Variants in ARHGAP29 observed in about 807,000 individuals in gnomAD.
ARHGAP29 encodes the protein rho GTPase-activating protein 29.
Under a neutral mutation model 122.6 loss-of-function variants are expected in ARHGAP29, and 43 were observed. The observed-to-expected ratio is 0.35, with a 90% CI of 0.27 to 0.45. ARHGAP29 has a LOEUF of 0.45. Ranked by LOEUF, ARHGAP29 falls within the 20% of genes least tolerant of loss-of-function variation. ARHGAP29 has a pLI of 1.00. For missense variants in ARHGAP29, 1,303 were observed against 1,477.2 expected (o/e 0.88, Z 1.93); for synonymous variants, 506 against 497.1 (o/e 1.02, Z -0.24).
the ARHGAP29 span, among the ~76,000 whole-genome samples, chr1:94,296,942 GC>G: frequency 6.6e-6 from 1 of 152,210 alleles, no homozygotes; most frequent in Non-Finnish European, 1.5e-5. Flanking sequence ...TTTGCAGACA[GC>G]TTTTTATGGA....
intron 18 of ARHGAP29, 152 bp downstream of exon 18, chr1:94,184,720 C>T (rs1649689109): frequency 4.7e-6 from 3 of 644,888 alleles, no homozygotes; most frequent in Middle Eastern, 4.4e-4. Flanking sequence ...TGCCACTGTA[C>T]TCCAGCCTGG....
Position 94,199,882 on chromosome 1 carries a change from T to C in ARHGAP29, c.1281+1838A>G, listed in dbSNP as rs369753794. Among the ~76,000 whole-genome samples, 27 of 152,318 alleles carry C rather than the reference T, an allele frequency of 1.8e-4. No homozygotes were observed. In the South Asian group the frequency reaches 3.3e-3, roughly 19 times the overall value. The stretch of plus-strand genomic sequence containing the variant: ...AGTTTTTCTTTCAATGGCACTGACC[T>C]TTCTGTGTCACTCCGATAAAGTAAC... On this transcript the variant is annotated intron_variant, in intron 12 of 22. Transcript: ENST00000260526.
At chr1:94,237,689 C>T, upstream of ARHGAP29, 1 of 985,440 alleles carries the variant, frequency 1.0e-6, no homozygotes, top group African/African-American at 1.7e-5. Flanking sequence ...GGGGCGGGGC[C>T]GGCGACCGCG....
rs1557838010 is a variant in ARHGAP29, at chr1:94,178,061, A to G, written c.2587T>C (p.Ser863Pro). Residue 863 changes from serine to proline, a missense_variant, in exon 21 of 23, where the codon TCC becomes CCC. Coordinates refer to ENST00000260526, the MANE Select transcript of ARHGAP29 (RefSeq NM_004815.4). ...TGATTTGAATACTCTGCAAGGGAGG[A>G]GATGGTGATAGGAGCAGTTGTGGGC... ...PRPTTAPITI[S>P]SLAEYSNQAR... 1 of 1,614,188 alleles carries G rather than the reference A, an allele frequency of 6.2e-7. No homozygotes were observed.
chr1:94,304,708 A>T, the ARHGAP29 span, among the ~76,000 whole-genome samples: 4 of 152,218 alleles, frequency 2.6e-5, no homozygotes, highest in Admixed American at 6.5e-5. Flanking sequence ...ACTTGATAAC[A>T]ATTTCTTAAG....
chr1:94,305,091 C>T, the ARHGAP29 span, among the ~76,000 whole-genome samples: 1 of 152,210 alleles, frequency 6.6e-6, no homozygotes, highest in Non-Finnish European at 1.5e-5. Flanking sequence ...TATGCAAATA[C>T]ATCAGTCTCT....
At chr1:94,191,703 A>G (rs910720513) in intron 12 of ARHGAP29, 8 of 152,194 alleles carry the variant, frequency 5.3e-5, no homozygotes, top group African/African-American at 1.9e-4. Flanking sequence ...TTAATGTGCA[A>G]ATGAATCACC....
chr1:94,228,643 T>C (rs1652752462), intron 2 of ARHGAP29, among the ~76,000 whole-genome samples: 1 of 151,794 alleles, frequency 6.6e-6, no homozygotes, highest in African/African-American at 2.4e-5. Context: ...TAAAGGTACC[T>C]GCCTTTGAGG....
At chr1:94,237,812 A>T (rs1653399056), upstream of ARHGAP29, 1 of 976,248 alleles carries the variant, frequency 1.0e-6, no homozygotes, top group Admixed American at 6.2e-5. Flanking sequence ...CTTGCAGGGG[A>T]CAGGCAGAGC....
rs968477638 is a variant in ARHGAP29, at chr1:94,169,395, G to A, written c.*4474C>T. Among the ~76,000 whole-genome samples the A allele has an allele frequency of 1.3e-5, 2 of 152,102 alleles. No individual in the cohort carries two copies. The highest frequency in any genetic ancestry group is 1.5e-5 in the Non-Finnish European group (1 of 68,018). ...GATTTATTTGGCATATTTGGGACTG[G>A]GTGTGATGAGACAGCAGCTGGCATG... On this transcript the variant is annotated 3_prime_UTR_variant, in exon 23 of 23. Coordinates refer to ENST00000260526, the MANE Select transcript of ARHGAP29 (RefSeq NM_004815.4).
intron 1 of ARHGAP29, among the ~76,000 whole-genome samples, chr1:94,246,791 C>T (rs1184381479): frequency 6.6e-6 from 1 of 152,108 alleles, no homozygotes; most frequent in Non-Finnish European, 1.5e-5. Context: ...CACAGGGGTC[C>T]GCTCTCTAGG....
At chr1:94,218,936 C>T (rs964605957) in intron 3 of ARHGAP29, among the ~76,000 whole-genome samples, 3 of 152,172 alleles carry the variant, frequency 2.0e-5, no homozygotes, top group Admixed American at 6.5e-5. Flanking sequence ...ATGTTCTTCT[C>T]ACCCAGAGTT....
At chr1:94,178,237 G>C in intron 20 of ARHGAP29, 70 bp from the exon 21 acceptor site, 1 of 1,432,788 alleles carries the variant, frequency 7.0e-7, no homozygotes. Context: ...GTTTACTATG[G>C]AATAGAGAGG....
At chr1:94,213,777 G>A (rs1183268149) in intron 3 of ARHGAP29, among the ~76,000 whole-genome samples, 2 of 152,100 alleles carry the variant, frequency 1.3e-5, no homozygotes, top group Non-Finnish European at 2.9e-5. Flanking sequence ...ATAAACTGGG[G>A]ATAATTACGT....
At chr1:94,246,630 A>G (rs1653808340) in intron 1 of ARHGAP29, among the ~76,000 whole-genome samples, 1 of 152,010 alleles carries the variant, frequency 6.6e-6, no homozygotes. Context: ...GGTGGTGGTG[A>G]AAAGGTGAGA....
At chr1:94,308,692 A>T in the ARHGAP29 span, among the ~76,000 whole-genome samples, 1 of 152,078 alleles carries the variant, frequency 6.6e-6, no homozygotes, top group African/African-American at 2.4e-5. Context: ...TCCCATTTTG[A>T]GCCAGTTTCA....
chr1:94,188,905 A>C lies in ARHGAP29; in HGVS notation c.1613T>G (p.Phe538Cys). 1 of 1,613,248 alleles carries C rather than the reference A, an allele frequency of 6.2e-7. No individual in the cohort carries two copies. Among genetic ancestry groups the C allele is most frequent in the Non-Finnish European group, 8.5e-7 (1 of 1,179,354 alleles). Residue 538 changes from phenylalanine to cysteine, a missense_variant, in exon 15 of 23, where the codon TTT becomes TGT. Transcript: ENST00000260526. Reference sequence around the variant, plus strand: ...CCCTCCAGTGCTCTCAGAATCACTAAACATCCCAAATGTCCATGATCTTAT... The same window carrying C: ...CCCTCCAGTGCTCTCAGAATCACTACACATCCCAAATGTCCATGATCTTAT... ...SFIRSWTFGMFSDSESTGGSS... is the reference protein window; with the variant it reads ...SFIRSWTFGMCSDSESTGGSS...
intron 1 of ARHGAP29, among the ~76,000 whole-genome samples, chr1:94,257,889 C>T (rs1024030139): frequency 6.6e-6 from 1 of 152,054 alleles, no homozygotes; most frequent in African/African-American, 2.4e-5. Context: ...TATCAGAACC[C>T]CTGAGAGCAC....
At chr1:94,220,190 A>G in intron 3 of ARHGAP29, 68 bp downstream of exon 3, 1 of 1,573,882 alleles carries the variant, frequency 6.4e-7, no homozygotes, top group Non-Finnish European at 8.7e-7. Context: ...TATATTCACT[A>G]TAGACCAAAA....
Sources: allele counts gnomAD v4.1 joint callset (sites outside exome capture counted in the v4.1 genomes callset), GRCh38; gene constraint gnomAD v4.1.1; transcripts MANE v1.5; gene names NCBI Gene and HGNC (gene_info 2026-07-23, HGNC 2026-07-21).